The following SLC16A12 variants were observed in gnomAD, a reference collection of about 807,000 sequenced individuals.
SLC16A12 encodes monocarboxylate transporter 12.
Under a neutral mutation model 42.4 loss-of-function variants are expected in SLC16A12, and 17 were observed. The ratio of observed to expected loss-of-function variants is 0.40; its 90% confidence interval spans 0.27 to 0.60. The LOEUF is 0.60. Ranked by LOEUF, SLC16A12 falls within the 20% of genes least tolerant of loss-of-function variation. The probability of loss-of-function intolerance (pLI) is 0.42; values close to 1 mark genes in which losing one functional copy is unlikely to be tolerated. For synonymous variants in SLC16A12, 224 were observed against 229.4 expected, an observed-to-expected ratio of 0.98 and a Z score of 0.21; for missense variants, 544 against 623.0, an observed-to-expected ratio of 0.87 and a Z score of 1.35.
In SLC16A12 at chr10:89,436,235, T is replaced by C. The variant is rs1225075017; in HGVS notation, c.1113A>G (p.Gln371=). Residue 371 remains glutamine (Q), a synonymous_variant, in exon 7 of 8, where the codon CAA becomes CAG. Coordinates refer to ENST00000371790, the MANE Select transcript of SLC16A12 (RefSeq NM_213606.4). ...AGAAAGGCACGAGCAGAGGGAGACT[T>C]TGAAGCATTGGGAGGCAGAGATAGC... ...GLCYLCLPML[Q]SLPLLVPFSC... is the part of the protein sequence containing the mutation. 6.2e-7 allele frequency: 1 copy of C among 1,613,960 alleles called. No individual in the cohort carries two copies. The highest frequency in any genetic ancestry group is 1.3e-5 in the African/African-American group (1 of 74,890).
At chr10:89,468,773 T>C (rs923934296) in intron 2 of SLC16A12, among the ~76,000 whole-genome samples, 1 of 152,190 alleles carries the variant, frequency 6.6e-6, no homozygotes, top group Non-Finnish European at 1.5e-5. Context: ...AACCTGAGCA[T>C]TCTTGTAAAT....
At chr10:89,504,375 A>C (rs1843029434) in intron 2 of SLC16A12, among the ~76,000 whole-genome samples, 1 of 152,188 alleles carries the variant, frequency 6.6e-6, no homozygotes, top group Non-Finnish European at 1.5e-5. Context: ...CAAGTTCTCT[A>C]ACCCTAAAAC....
At chr10:89,483,970 T>G (rs993035511) in intron 2 of SLC16A12, among the ~76,000 whole-genome samples, 1 of 152,156 alleles carries the variant, frequency 6.6e-6, no homozygotes, top group African/African-American at 2.4e-5. Context: ...CATTTCTAGC[T>G]GTGTAAACTT....
intron 7 of SLC16A12, among the ~76,000 whole-genome samples, chr10:89,434,961 A>C (rs1841754917): frequency 6.6e-6 from 1 of 152,234 alleles, no homozygotes; most frequent in Non-Finnish European, 1.5e-5. Context: ...TTTAGGAAGG[A>C]GAAACAGCTT....
chr10:89,443,557 G>A (rs1234531192), intron 4 of SLC16A12, among the ~76,000 whole-genome samples, 199 bp downstream of exon 4: 1 of 152,206 alleles, frequency 6.6e-6, no homozygotes, highest in Non-Finnish European at 1.5e-5. Context: ...CATCAGCCAA[G>A]ACCATTAATT....
At chr10:89,470,377 AG>A (rs988454453) in intron 2 of SLC16A12, among the ~76,000 whole-genome samples, 1 of 152,240 alleles carries the variant, frequency 6.6e-6, no homozygotes, top group Non-Finnish European at 1.5e-5. Context: ...TAGGTAGCTG[AG>A]GGGGAAGTGC....
intron 5 of SLC16A12, 118 bp from the exon 6 acceptor site, chr10:89,439,301 C>T (rs1040467790): frequency 1.0e-6 from 1 of 993,286 alleles, no homozygotes; most frequent in Non-Finnish European, 1.5e-6. Context: ...TTTAAAGCTG[C>T]TTTTTACACC....
Position 89,436,118 on chromosome 10 carries a change from C to A in SLC16A12, c.1230G>T (p.Ala410=). 2 of 1,613,930 alleles carry A rather than the reference C, an allele frequency of 1.2e-6. No individual in the cohort carries two copies. The highest frequency in any genetic ancestry group is 1.3e-5 in the African/African-American group (1 of 74,988). ...CGTGAAGGAAGTATACCACACCAAG[C>A]GCTGATGACAAAGAGGTGGTCCCCA... is the stretch of plus-strand genomic sequence containing the variant. ...EIVGTTSLSS[A]LGVVYFLHAV... is the part of the protein sequence containing the mutation. The change falls in exon 7 of 8, where the codon GCG becomes GCT. Residue 410 remains alanine, a synonymous_variant. Transcript: ENST00000371790.
intron 2 of SLC16A12, among the ~76,000 whole-genome samples, chr10:89,494,152 G>A (rs1564588742): frequency 6.6e-6 from 1 of 152,168 alleles, no homozygotes; most frequent in Non-Finnish European, 1.5e-5. Flanking sequence ...ATTAAATAGA[G>A]GAAATGTTTT....
intron 2 of SLC16A12, among the ~76,000 whole-genome samples, chr10:89,504,530 T>C (rs1843031843): frequency 6.6e-6 from 1 of 152,202 alleles, no homozygotes; most frequent in Non-Finnish European, 1.5e-5. Flanking sequence ...TTTCCGCTTT[T>C]TCCAAGTTGG....
chr10:89,538,320 A>G (rs1177213961), upstream of SLC16A12, among the ~76,000 whole-genome samples: 3 of 152,312 alleles, frequency 2.0e-5, no homozygotes, highest in Non-Finnish European at 2.9e-5. Context: ...CACAGTCCCA[A>G]CACGGCTATA....
chr10:89,545,921 A>G (rs1564605834), intron 2 of SLC16A12, among the ~76,000 whole-genome samples: 1 of 152,152 alleles, frequency 6.6e-6, no homozygotes, highest in Non-Finnish European at 1.5e-5. Context: ...AAACTGGACA[A>G]AAAGAAGCAA....
At chr10:89,494,606 A>G (rs1269758241) in intron 2 of SLC16A12, among the ~76,000 whole-genome samples, 1 of 152,246 alleles carries the variant, frequency 6.6e-6, no homozygotes. Flanking sequence ...AGAGAACATA[A>G]TAGCAAACAA....
Position 89,441,038 on chromosome 10 carries a change from C to A in SLC16A12, c.448+70G>T, listed in dbSNP as rs1841899492. 3 of 1,579,146 alleles carry A rather than the reference C, an allele frequency of 1.9e-6. No homozygotes were observed. In the Admixed American group the frequency reaches 5.0e-5, roughly 26 times the overall value. Reference sequence around the variant, plus strand: ...AACAAAATGAATATTTTATGAATTACTTCTCTGTTGATGTGCTTGGAAACC... The same window carrying A: ...AACAAAATGAATATTTTATGAATTAATTCTCTGTTGATGTGCTTGGAAACC... On this transcript the variant is annotated intron_variant, in intron 5 of 7. Transcript: ENST00000371790.
chr10:89,488,462 C>T (rs2133802399), intron 2 of SLC16A12, among the ~76,000 whole-genome samples: 1 of 152,258 alleles, frequency 6.6e-6, no homozygotes, highest in Middle Eastern at 3.4e-3. Context: ...TTTCATTTTC[C>T]TTTCTGAATT....
chr10:89,454,905 T>C (rs1167749126), intron 3 of SLC16A12, among the ~76,000 whole-genome samples: 1 of 151,996 alleles, frequency 6.6e-6, no homozygotes, highest in Non-Finnish European at 1.5e-5. Flanking sequence ...AAATATCTAG[T>C]ATAGTACCTG....
chr10:89,539,971 TTC>T (rs573661786), upstream of SLC16A12, among the ~76,000 whole-genome samples: 7 of 150,976 alleles, frequency 4.6e-5, no homozygotes, highest in Non-Finnish European at 8.8e-5. Context: ...CTTTCTTTCT[TTC>T]TCTCTTTCTT....
rs906562281 is a variant in SLC16A12, at chr10:89,441,133, G to A, written c.423C>T (p.Leu141=). 1.1e-5 allele frequency: 17 copies of A among 1,613,944 alleles called. No individual in the cohort carries two copies. The highest frequency in any genetic ancestry group is 1.4e-5 in the Non-Finnish European group (16 of 1,179,846). The change falls in exon 5 of 8, where the codon CTC becomes CTT. Residue 141 remains leucine, a synonymous_variant. Coordinates refer to ENST00000371790, the MANE Select transcript of SLC16A12 (RefSeq NM_213606.4). ...CTGTAAGAACTCCCAGAGTGAGGTA[G>A]AGATGCTTCAGACTCGTGGCAAATG... ...LSSFATSLKH[L]YLTLGVLTGL...
chr10:89,435,082 T>C (rs779347719), intron 7 of SLC16A12, among the ~76,000 whole-genome samples: 2 of 152,252 alleles, frequency 1.3e-5, no homozygotes, highest in Non-Finnish European at 2.9e-5. Flanking sequence ...ATTTGTCAAA[T>C]TGTTTAATCA....
Sources: allele counts gnomAD v4.1 joint callset (sites outside exome capture counted in the v4.1 genomes callset), GRCh38; gene constraint gnomAD v4.1.1; transcripts MANE v1.5; gene names NCBI Gene and HGNC (gene_info 2026-07-23, HGNC 2026-07-21).